Variants in MAD1L1 observed in about 807,000 individuals in gnomAD.
The protein encoded by MAD1L1 is mitotic spindle assembly checkpoint protein MAD1.
A neutral mutation model predicts 96.9 loss-of-function variants in MAD1L1; 95 were observed. The observed-to-expected ratio is 0.98, with a 90% CI of 0.83 to 1.16. The LOEUF (loss-of-function observed/expected upper bound fraction) is 1.16. Ranked by LOEUF, MAD1L1 falls within the 50% of genes most tolerant of loss-of-function variation. The pLI is 0.00. For synonymous variants in MAD1L1, 473 were observed against 396.6 expected, an observed-to-expected ratio of 1.19 and a Z score of -2.29; for missense variants, 1,007 against 954.4, an observed-to-expected ratio of 1.06 and a Z score of -0.73.
intron 17 of MAD1L1, among the ~76,000 whole-genome samples, chr7:1,933,071 T>C (rs1789572219): frequency 6.6e-6 from 1 of 152,154 alleles, no homozygotes; most frequent in Non-Finnish European, 1.5e-5. Flanking sequence ...TTTTGGAGAT[T>C]TTCTTTGCTG....
intron 10 of MAD1L1, among the ~76,000 whole-genome samples, chr7:2,188,745 G>A (rs760661861): frequency 2.0e-5 from 3 of 151,946 alleles, no homozygotes; most frequent in South Asian, 2.1e-4. Flanking sequence ...AAAAAACAGG[G>A]GAGAAGGTTT....
chr7:2,122,256 C>T (rs1410091519), intron 11 of MAD1L1, among the ~76,000 whole-genome samples: 1 of 152,212 alleles, frequency 6.6e-6, no homozygotes. Flanking sequence ...GACCTGTCCA[C>T]CTCGTGTGCC....
chr7:1,818,455 G>A (rs1184755340), intron 18 of MAD1L1, among the ~76,000 whole-genome samples: 1 of 152,112 alleles, frequency 6.6e-6, no homozygotes, highest in African/African-American at 2.4e-5. Context: ...ATGATAACGG[G>A]TCACTCAGCC....
intron 18 of MAD1L1, among the ~76,000 whole-genome samples, chr7:1,889,536 T>C (rs554101326): frequency 6.6e-6 from 1 of 152,162 alleles, no homozygotes; most frequent in Non-Finnish European, 1.5e-5. Flanking sequence ...GCACCGGTGG[T>C]TCTGAAAATG....
chr7:2,043,649 C>T (rs1176326720), intron 12 of MAD1L1, among the ~76,000 whole-genome samples: 3 of 152,308 alleles, frequency 2.0e-5, no homozygotes, highest in East Asian at 3.9e-4. Context: ...CCTGGGGGGG[C>T]TGGGGATCCA....
At chr7:1,956,161 G>C (rs1779719687) in intron 16 of MAD1L1, among the ~76,000 whole-genome samples, 1 of 152,164 alleles carries the variant, frequency 6.6e-6, no homozygotes, top group African/African-American at 2.4e-5. Flanking sequence ...ACAGCCCTGG[G>C]CATCCAGAGC....
At chr7:2,225,229 G>A (rs62442485) in intron 4 of MAD1L1, among the ~76,000 whole-genome samples, 181 bp downstream of exon 4, 22 of 125,116 alleles carry the variant, frequency 1.8e-4, no homozygotes, top group Middle Eastern at 5.1e-3. Context: ...GGCAGGTACC[G>A]TGCACAGCCC....
chr7:1,957,532 C>T lies in MAD1L1; in HGVS notation c.1596+97G>A, dbSNP rs747972191. Reference sequence around the variant, plus strand: ...GAGTTCAGACAGACGAGCCAGAAAACGGGTGTTCTGTGGCAGCAGGAACCA... The same window carrying T: ...GAGTTCAGACAGACGAGCCAGAAAATGGGTGTTCTGTGGCAGCAGGAACCA... On this transcript the variant is annotated intron_variant, in intron 16 of 18. Transcript: ENST00000265854. 2.9e-5 allele frequency: 35 copies of T among 1,189,516 alleles called. 1 individual carries two copies. Among genetic ancestry groups the T allele is most frequent in the East Asian group, 1.6e-4 (7 of 42,754 alleles). The allele number at this position is 1,189,516 out of a possible 1,614,324, so 73.7% of individuals were successfully genotyped here.
At chr7:2,182,990 G>T (rs571233991) in intron 10 of MAD1L1, among the ~76,000 whole-genome samples, 1 of 152,106 alleles carries the variant, frequency 6.6e-6, no homozygotes, top group East Asian at 1.9e-4. Flanking sequence ...TGAGAGGCCA[G>T]TGTGGGAGAA....
chr7:2,082,681 A>G (rs545979024), intron 11 of MAD1L1, among the ~76,000 whole-genome samples: 1 of 152,302 alleles, frequency 6.6e-6, no homozygotes, highest in East Asian at 1.9e-4. Flanking sequence ...AAATAGTTAA[A>G]AGAAGAGGCA....
intron 16 of MAD1L1, among the ~76,000 whole-genome samples, chr7:1,949,490 G>A (rs995905076): frequency 6.6e-6 from 1 of 152,172 alleles, no homozygotes; most frequent in Non-Finnish European, 1.5e-5. Flanking sequence ...CCATGGGCAG[G>A]CTCCAGGTCC....
Position 1,928,280 on chromosome 7 carries a change from C to A in MAD1L1, c.1807+8407G>T, listed in dbSNP as rs576707470. Among the ~76,000 whole-genome samples the A allele has an allele frequency of 4.5e-3, 685 of 151,510 alleles. 8 individuals are homozygous for A. The highest frequency in any genetic ancestry group is 7.5e-3 in the Non-Finnish European group (505 of 67,728). On this transcript the variant is annotated intron_variant, in intron 17 of 18. Coordinates refer to ENST00000265854, the MANE Select transcript of MAD1L1 (RefSeq NM_001013836.2). ...ACCCGCCAGTCCCTAGAGGAGCCCA[C>A]GACAGAACTGCCACACCTGACACTG...
At chr7:1,876,758 T>C (rs1243081701) in intron 18 of MAD1L1, among the ~76,000 whole-genome samples, 1 of 150,456 alleles carries the variant, frequency 6.6e-6, no homozygotes, top group Non-Finnish European at 1.5e-5. Flanking sequence ...TGGAAGGACA[T>C]CTTGCTCCTA....
chr7:2,026,023 T>C (rs2128504089), intron 12 of MAD1L1, among the ~76,000 whole-genome samples: 1 of 152,306 alleles, frequency 6.6e-6, no homozygotes, highest in East Asian at 1.9e-4. Context: ...ATTAAATATT[T>C]CGACTAAGAA....
At chr7:1,936,428 C>T (rs1778608400) in intron 17 of MAD1L1, among the ~76,000 whole-genome samples, 1 of 152,206 alleles carries the variant, frequency 6.6e-6, no homozygotes. Flanking sequence ...GTTTAAGGGC[C>T]TGAAATTTCA....
chr7:2,038,018 T>C (rs1783515751), intron 12 of MAD1L1, among the ~76,000 whole-genome samples: 1 of 152,144 alleles, frequency 6.6e-6, no homozygotes, highest in African/African-American at 2.4e-5. Context: ...AAGGGAAAGT[T>C]CTTGGAGGAA....
intron 15 of MAD1L1, 145 bp from the exon 16 acceptor site, chr7:1,957,864 G>C: frequency 1.5e-6 from 1 of 680,822 alleles, no homozygotes; most frequent in South Asian, 1.9e-5. Flanking sequence ...AGCTCTCAGA[G>C]TCCAGCGATA....
At chr7:1,985,775 T>G (rs1379901676) in intron 14 of MAD1L1, among the ~76,000 whole-genome samples, 1 of 33,260 alleles carries the variant, frequency 3.0e-5, no homozygotes, top group Non-Finnish European at 7.2e-5. Context: ...TCCGGTCACC[T>G]TCCTTCCTGT....
At chr7:2,107,025 G>T (rs28497937) in intron 11 of MAD1L1, among the ~76,000 whole-genome samples, 6,873 of 152,318 alleles carry the variant, frequency 0.045, 528 homozygotes, top group African/African-American at 0.16. Flanking sequence ...CGGCCCCACA[G>T]CCTGGCTCCC....
Sources: allele counts gnomAD v4.1 joint callset (sites outside exome capture counted in the v4.1 genomes callset), GRCh38; gene constraint gnomAD v4.1.1; transcripts MANE v1.5; gene names NCBI Gene and HGNC (gene_info 2026-07-23, HGNC 2026-07-21).